Variants in B3GLCT observed in about 807,000 individuals in gnomAD.
B3GLCT encodes beta-1,3-glucosyltransferase.
Under a neutral mutation model 63.4 loss-of-function variants are expected in B3GLCT, and 65 were observed. The observed-to-expected ratio is 1.03, with a 90% CI of 0.84 to 1.26. B3GLCT has a LOEUF of 1.26. Among genes scored for constraint, B3GLCT ranks in the 50% most tolerant of loss-of-function variants. The pLI is 0.00. For synonymous variants in B3GLCT, 233 were observed against 219.2 expected, an observed-to-expected ratio of 1.06 and a Z score of -0.55; for missense variants, 577 against 604.8, an observed-to-expected ratio of 0.95 and a Z score of 0.48.
chr13:31,317,446 C>A (rs1875100520), intron 12 of B3GLCT, 120 bp from the exon 13 acceptor site: 2 of 1,210,380 alleles, frequency 1.7e-6, no homozygotes, highest in Non-Finnish European at 2.4e-6. Flanking sequence ...CAAATTTCTT[C>A]TCTTAACTAT....
intron 6 of B3GLCT, among the ~76,000 whole-genome samples, chr13:31,259,883 G>A (rs1049163483): frequency 2.0e-5 from 3 of 151,706 alleles, no homozygotes; most frequent in Non-Finnish European, 4.4e-5. Context: ...TGTGTACAAC[G>A]TGCAGGTTTG....
At chr13:31,229,861 A>T (rs1306095320) in intron 4 of B3GLCT, among the ~76,000 whole-genome samples, 1 of 150,354 alleles carries the variant, frequency 6.7e-6, no homozygotes, top group East Asian at 1.9e-4. Context: ...ATATAAATTT[A>T]AGAGAACTAT....
intron 4 of B3GLCT, among the ~76,000 whole-genome samples, chr13:31,239,085 G>A (rs2313744): frequency 0.97 from 148,223 of 152,278 alleles, 72,160 homozygotes; most frequent in East Asian, 1. Context: ...CAGAAGGTCT[G>A]CTTTTGGGAT....
intron 6 of B3GLCT, among the ~76,000 whole-genome samples, chr13:31,249,206 G>C (rs1871322715): frequency 6.6e-6 from 1 of 152,226 alleles, no homozygotes; most frequent in Non-Finnish European, 1.5e-5. Context: ...ACCCTGGAAA[G>C]CCTGTTACTA....
At chr13:31,301,558 T>C (rs893106689) in intron 12 of B3GLCT, among the ~76,000 whole-genome samples, 36 of 152,216 alleles carry the variant, frequency 2.4e-4, no homozygotes, top group Admixed American at 1.0e-3. Context: ...GTTACACTTT[T>C]ATGTTCTAGT....
At chr13:31,219,330 G>A (rs116920961) in intron 2 of B3GLCT, among the ~76,000 whole-genome samples, 1 of 152,086 alleles carries the variant, frequency 6.6e-6, no homozygotes, top group South Asian at 2.1e-4. Context: ...ACCTAAACAC[G>A]TGATTATTAA....
At chr13:31,259,016 C>G (rs1871884313) in intron 6 of B3GLCT, among the ~76,000 whole-genome samples, 1 of 152,062 alleles carries the variant, frequency 6.6e-6, no homozygotes. Context: ...ACTTGCTTTC[C>G]AGACTGTTAG....
intron 1 of B3GLCT, among the ~76,000 whole-genome samples, chr13:31,203,218 A>G (rs1375243381): frequency 6.6e-6 from 1 of 152,100 alleles, no homozygotes; most frequent in Non-Finnish European, 1.5e-5. Context: ...ACCTAATTCC[A>G]GGTTGTTTTG....
chr13:31,311,376 A>G (rs1019708567), intron 12 of B3GLCT: 1 of 152,360 alleles, frequency 6.6e-6, no homozygotes, highest in Non-Finnish European at 1.5e-5. Context: ...AATCCTGGAT[A>G]CAGCGTTGAA....
intron 1 of B3GLCT, among the ~76,000 whole-genome samples, chr13:31,208,662 C>T (rs552894278): frequency 8.8e-5 from 12 of 135,726 alleles, no homozygotes; most frequent in African/African-American, 2.7e-4. Flanking sequence ...AGGCCCTTAG[C>T]GCTCTTTGCT....
At chr13:31,201,452 T>C (rs1248760224) in intron 1 of B3GLCT, among the ~76,000 whole-genome samples, 2 of 152,166 alleles carry the variant, frequency 1.3e-5, no homozygotes, top group African/African-American at 4.8e-5. Flanking sequence ...TAGTTGGTCT[T>C]GGGGAGCGAC....
chr13:31,271,765 A>G (rs1872582896), intron 8 of B3GLCT, among the ~76,000 whole-genome samples: 1 of 152,148 alleles, frequency 6.6e-6, no homozygotes, highest in African/African-American at 2.4e-5. Context: ...TTGTCTGCTT[A>G]TCATTTACTA....
At chr13:31,305,385 C>A in intron 12 of B3GLCT, among the ~76,000 whole-genome samples, 1 of 96,958 alleles carries the variant, frequency 1.0e-5, no homozygotes, top group Non-Finnish European at 2.2e-5. Context: ...TCAATGAATC[C>A]AGGAGCTGGT....
intron 14 of B3GLCT, among the ~76,000 whole-genome samples, chr13:31,325,705 C>T (rs1875570870): frequency 6.6e-6 from 1 of 152,192 alleles, no homozygotes; most frequent in African/African-American, 2.4e-5. Flanking sequence ...TCTTAAGCCT[C>T]TTTTAGAGAG....
intron 2 of B3GLCT, among the ~76,000 whole-genome samples, chr13:31,215,873 A>G (rs1182011915): frequency 6.6e-6 from 1 of 152,190 alleles, no homozygotes. Flanking sequence ...AAAGGTGACT[A>G]TGCTACCAGA....
chr13:31,225,032 C>G (rs752844174), intron 3 of B3GLCT, among the ~76,000 whole-genome samples: 7 of 152,222 alleles, frequency 4.6e-5, no homozygotes, highest in Non-Finnish European at 8.8e-5. Context: ...TGCTGCCTTT[C>G]CTGAGCACTG....
In B3GLCT at chr13:31,326,275, C is replaced by CTTTTTTTTT. The variant is rs11415456; in HGVS notation, c.1329+2398_1329+2406dup. ...TTTGCCCAATGTAGGAGGTCTTTCC[C>CTTTTTTTTT]TTTTTTTTTTTTTTTTTTTTTTTTT... is the stretch of plus-strand genomic sequence containing the variant. On this transcript the variant is annotated intron_variant, in intron 14 of 14. Coordinates refer to ENST00000343307, the MANE Select transcript of B3GLCT (RefSeq NM_194318.4). Among the ~76,000 whole-genome samples the CTTTTTTTTT allele has an allele frequency of 6.6e-5, 5 of 75,868 alleles. 1 individual carries two copies. The highest frequency in any genetic ancestry group is 2.1e-4 in the Admixed American group (1 of 4,762). 49.8% of individuals were successfully genotyped at this position (75,868 alleles called of 152,430 possible).
intron 6 of B3GLCT, among the ~76,000 whole-genome samples, chr13:31,254,247 A>G (rs182783388): frequency 3.4e-4 from 52 of 152,346 alleles, no homozygotes; most frequent in African/African-American, 9.9e-4. Context: ...TTTCAGGCCA[A>G]TGTCCCTGAT....
intron 14 of B3GLCT, among the ~76,000 whole-genome samples, chr13:31,328,277 C>T (rs1009107527): frequency 3.3e-5 from 5 of 152,092 alleles, no homozygotes; most frequent in African/African-American, 1.2e-4. Flanking sequence ...AAAAAGTAGC[C>T]TACAAAAGAC....
Sources: gnomAD v4.1 joint callset for allele counts (sites outside exome capture counted in the v4.1 genomes callset) on GRCh38, gnomAD v4.1.1 for gene constraint, MANE v1.5 for transcripts, NCBI Gene and HGNC (gene_info 2026-07-23, HGNC 2026-07-21) for gene names.